Variants in DPYD observed in about 807,000 individuals in gnomAD.
DPYD encodes dihydropyrimidine dehydrogenase [NADP(+)].
In DPYD, 109 loss-of-function variants were observed where a neutral mutation model predicts 116.2. That is an observed-to-expected ratio of 0.94 (90% CI 0.80 to 1.10). DPYD has a LOEUF of 1.10. DPYD is among the 50% of genes least tolerant of loss of function. The pLI is 0.00. For synonymous variants in DPYD, 440 were observed against 432.0 expected, an observed-to-expected ratio of 1.02 and a Z score of -0.23; for missense variants, 1,302 against 1,254.5, an observed-to-expected ratio of 1.04 and a Z score of -0.57.
At chr1:97,807,996 C>T (rs188581375) in intron 3 of DPYD, among the ~76,000 whole-genome samples, 1 of 152,226 alleles carries the variant, frequency 6.6e-6, no homozygotes. Flanking sequence ...TTCAATAACA[C>T]CACATTGCCT....
intron 8 of DPYD, among the ~76,000 whole-genome samples, chr1:97,654,904 T>C (rs910376866): frequency 6.6e-6 from 1 of 152,094 alleles, no homozygotes. Flanking sequence ...ATGTCTTACA[T>C]GGTGGTGGCA....
At chr1:97,886,924 C>G (rs978201358) in intron 1 of DPYD, among the ~76,000 whole-genome samples, 3 of 151,604 alleles carry the variant, frequency 2.0e-5, no homozygotes, top group African/African-American at 7.3e-5. Flanking sequence ...GAAAAAAGGC[C>G]CAAATTTAAC....
intron 14 of DPYD, among the ~76,000 whole-genome samples, chr1:97,393,617 ATGGACT>A (rs760588240): frequency 6.6e-6 from 1 of 152,134 alleles, no homozygotes; most frequent in Non-Finnish European, 1.5e-5. Flanking sequence ...TACAAAGGAC[ATGGACT>A]CATCCTTTTT....
intron 14 of DPYD, among the ~76,000 whole-genome samples, chr1:97,415,602 G>A (rs753178847): frequency 6.6e-6 from 1 of 152,164 alleles, no homozygotes; most frequent in Non-Finnish European, 1.5e-5. Flanking sequence ...GACTACAGGC[G>A]TGAGCCACCA....
chr1:97,154,993 T>C (rs1655333070), intron 20 of DPYD, among the ~76,000 whole-genome samples: 1 of 152,164 alleles, frequency 6.6e-6, no homozygotes. Context: ...AGTTAATGTG[T>C]TTTACTTGTG....
chr1:97,538,326 C>G (rs1028332300), intron 12 of DPYD, among the ~76,000 whole-genome samples: 20 of 152,168 alleles, frequency 1.3e-4, no homozygotes, highest in Non-Finnish European at 4.4e-5. Flanking sequence ...GAATTTGTCT[C>G]CACTAGGTCT....
At position 97,699,411 on chromosome 1, in the gene DPYD, G is replaced by A. The variant is rs1328550354; in HGVS notation, c.620C>T (p.Ala207Val). The change falls in exon 6 of 23, where the codon GCT becomes GTT. Residue 207 changes from alanine (A) to valine (V), a missense_variant. Transcript: ENST00000370192. ...PASISCASFL[A>V]RLGYSDITIF... Reference sequence around the variant, plus strand: ...AGTGATGTCAGAGTACCCCAATCGAGCCAAAAAGGAAGCACAACTTATACT... The same window carrying A: ...AGTGATGTCAGAGTACCCCAATCGAACCAAAAAGGAAGCACAACTTATACT... 7 of 1,613,482 alleles carry A rather than the reference G, an allele frequency of 4.3e-6. No individual in the cohort carries two copies. Among genetic ancestry groups the A allele is most frequent in the Admixed American group, 1.7e-5 (1 of 59,936 alleles).
intron 18 of DPYD, among the ~76,000 whole-genome samples, chr1:97,294,343 GAA>G (rs1666390989): frequency 6.6e-6 from 1 of 152,092 alleles, no homozygotes; most frequent in South Asian, 2.1e-4. Flanking sequence ...GGAGAAATGA[GAA>G]AGAGTGTGAG....
intron 18 of DPYD, among the ~76,000 whole-genome samples, chr1:97,235,856 T>C (rs1661888199): frequency 6.6e-6 from 1 of 152,168 alleles, no homozygotes; most frequent in Non-Finnish European, 1.5e-5. Context: ...TCTAATCCAA[T>C]TTTTCACATA....
At chr1:97,820,945 A>G (rs527572033) in intron 3 of DPYD, among the ~76,000 whole-genome samples, 1 of 152,160 alleles carries the variant, frequency 6.6e-6, no homozygotes, top group East Asian at 1.9e-4. Flanking sequence ...TAATGAGTAT[A>G]TTCTATATGT....
chr1:97,664,564 A>G (rs1659449554), intron 8 of DPYD, among the ~76,000 whole-genome samples: 1 of 151,996 alleles, frequency 6.6e-6, no homozygotes, highest in Admixed American at 6.6e-5. Context: ...TTAGTTTTAT[A>G]CCTTGGGTAT....
At chr1:97,149,282 C>T (rs778639512) in intron 20 of DPYD, among the ~76,000 whole-genome samples, 13 of 152,082 alleles carry the variant, frequency 8.5e-5, no homozygotes, top group Non-Finnish European at 1.6e-4. Flanking sequence ...AACAGAGTCT[C>T]GCTCTGTCAC....
intron 8 of DPYD, among the ~76,000 whole-genome samples, chr1:97,606,984 CA>C (rs1557833330): frequency 1.3e-5 from 2 of 151,822 alleles, no homozygotes; most frequent in African/African-American, 4.8e-5. Context: ...CATATTACGA[CA>C]AATGTAGAGA....
intron 8 of DPYD, among the ~76,000 whole-genome samples, chr1:97,632,717 G>A (rs570161463): frequency 1.1e-4 from 17 of 152,026 alleles, no homozygotes; most frequent in Admixed American, 3.9e-4. Context: ...TTATTGAAAT[G>A]GTCAACAAGG....
At chr1:97,372,371 C>G (rs1014783666) in intron 16 of DPYD, among the ~76,000 whole-genome samples, 1 of 152,050 alleles carries the variant, frequency 6.6e-6, no homozygotes, top group Non-Finnish European at 1.5e-5. Context: ...TACTTAAATG[C>G]TACTATCTAA....
chr1:97,554,496 T>C (rs755352442), intron 11 of DPYD, among the ~76,000 whole-genome samples: 10 of 152,076 alleles, frequency 6.6e-5, no homozygotes, highest in African/African-American at 9.7e-5. Context: ...ATCTATGTCC[T>C]TGTTGTTTAA....
intron 21 of DPYD, among the ~76,000 whole-genome samples, chr1:97,083,629 G>A (rs1649314600): frequency 6.6e-6 from 1 of 151,970 alleles, no homozygotes; most frequent in Non-Finnish European, 1.5e-5. Flanking sequence ...TTGTAGGTGG[G>A]CACTTGACAT....
intron 15 of DPYD, among the ~76,000 whole-genome samples, chr1:97,376,816 C>A (rs1339403624): frequency 6.6e-6 from 1 of 150,866 alleles, no homozygotes; most frequent in Non-Finnish European, 1.5e-5. Context: ...TTACTAATTT[C>A]CTACATTATC....
intron 8 of DPYD, among the ~76,000 whole-genome samples, chr1:97,630,058 G>C (rs1409341377): frequency 6.6e-6 from 1 of 151,372 alleles, no homozygotes; most frequent in Non-Finnish European, 1.5e-5. Context: ...CCTTTTTAAT[G>C]CTAACTAGTA....
Sources: gnomAD v4.1 joint callset for allele counts (sites outside exome capture counted in the v4.1 genomes callset) on GRCh38, gnomAD v4.1.1 for gene constraint, MANE v1.5 for transcripts, NCBI Gene and HGNC (gene_info 2026-07-23, HGNC 2026-07-21) for gene names.